The following C1orf21 variants were observed in gnomAD, a reference collection of about 807,000 sequenced individuals.
C1orf21 encodes the protein uncharacterized protein C1orf21.
C1orf21 carries 3 observed loss-of-function variants against 18.7 expected under a neutral mutation model. The ratio of observed to expected loss-of-function variants is 0.16; its 90% CI spans 0.07 to 0.42. The LOEUF (loss-of-function observed/expected upper bound fraction) is 0.42. Among genes scored for constraint, C1orf21 ranks in the 10% least tolerant of loss-of-function variants. The probability of loss-of-function intolerance (pLI) is 0.99; values close to 1 mark genes in which losing one functional copy is unlikely to be tolerated. For missense variants in C1orf21, 104 were observed against 143.6 expected, an observed-to-expected ratio of 0.72 and a Z score of 1.41; for synonymous variants, 41 against 46.4, an observed-to-expected ratio of 0.88 and a Z score of 0.47.
At chr1:184,494,179 A>G (rs183490620) in intron 2 of C1orf21, among the ~76,000 whole-genome samples, 389 of 152,334 alleles carry the variant, frequency 2.6e-3, no homozygotes, top group Non-Finnish European at 4.8e-3. Context: ...TGAGCAAACC[A>G]TGAGAATACC....
chr1:184,585,036 T>C (rs868612779), intron 3 of C1orf21, among the ~76,000 whole-genome samples: 16 of 152,212 alleles, frequency 1.1e-4, no homozygotes, highest in African/African-American at 3.6e-4. Flanking sequence ...TTTAATCATA[T>C]AGTTGTAGTG....
rs193250659 is a variant in C1orf21 at position 184,498,889 on chromosome 1, T to C, written c.95-8699T>C. 1.0e-3 allele frequency among the ~76,000 whole-genome samples: 158 copies of C among 152,306 alleles called. 1 individual carries two copies. Among genetic ancestry groups the C allele is most frequent in the Admixed American group, 2.2e-3 (34 of 15,288 alleles). ...ATGGGCTCTGAATCAGACCACTGGG[T>C]TCAAGGCCTGGCCCAGTCCCACCAC... On this transcript the variant is annotated intron_variant, in intron 2 of 5. Coordinates refer to ENST00000235307, the MANE Select transcript of C1orf21 (RefSeq NM_030806.4).
At chr1:184,581,335 C>G (rs757293231) in intron 3 of C1orf21, among the ~76,000 whole-genome samples, 1 of 151,408 alleles carries the variant, frequency 6.6e-6, no homozygotes, top group African/African-American at 2.4e-5. Flanking sequence ...GAGGCTGAGG[C>G]GGGAGAATTG....
At chr1:184,581,334 G>A (rs1350407043) in intron 3 of C1orf21, among the ~76,000 whole-genome samples, 1 of 152,002 alleles carries the variant, frequency 6.6e-6, no homozygotes, top group Non-Finnish European at 1.5e-5. Flanking sequence ...GGAGGCTGAG[G>A]CGGGAGAATT....
intron 3 of C1orf21, among the ~76,000 whole-genome samples, chr1:184,552,155 G>GA (rs993025115): frequency 2.0e-5 from 3 of 151,822 alleles, no homozygotes; most frequent in South Asian, 4.2e-4. Flanking sequence ...AATATTACAG[G>GA]AAAAAAAATT....
At chr1:184,600,545 T>TC (rs1274787057) in intron 5 of C1orf21, among the ~76,000 whole-genome samples, 2 of 152,210 alleles carry the variant, frequency 1.3e-5, no homozygotes, top group African/African-American at 4.8e-5. Flanking sequence ...AAATCTGAGA[T>TC]CCCCTTTTGC....
chr1:184,589,438 A>G (rs1271770293), intron 3 of C1orf21, among the ~76,000 whole-genome samples: 2 of 152,254 alleles, frequency 1.3e-5, no homozygotes, highest in Admixed American at 6.5e-5. Flanking sequence ...AAGAAAGGAC[A>G]TGGGCCCTGC....
chr1:184,576,827 CTT>C (rs148317797), intron 3 of C1orf21, among the ~76,000 whole-genome samples: 14,822 of 152,230 alleles, frequency 0.097, 851 homozygotes, highest in African/African-American at 0.15. Context: ...CTCCCCATGA[CTT>C]TTGGAATAAA....
chr1:184,441,015 A>G (rs776859098), intron 1 of C1orf21, among the ~76,000 whole-genome samples: 5 of 152,342 alleles, frequency 3.3e-5, no homozygotes, highest in South Asian at 2.1e-4. Context: ...ATGTCCTAGA[A>G]GTAAACTGAA....
intron 3 of C1orf21, 67 bp from the exon 4 acceptor site, chr1:184,590,672 A>G: frequency 6.8e-7 from 1 of 1,475,136 alleles, no homozygotes; most frequent in South Asian, 1.1e-5. Context: ...TGTGATGAAA[A>G]CTCATACACT....
rs1300212650 is a variant in C1orf21 at position 184,460,617 on chromosome 1, G to GTCT, written c.-124-16767_-124-16766insTTC. 7.5e-3 allele frequency among the ~76,000 whole-genome samples: 876 copies of GTCT among 116,350 alleles called. 11 individuals are homozygous for GTCT. Among genetic ancestry groups the GTCT allele is most frequent in the African/African-American group, 0.029 (800 of 27,774 alleles). The allele number at this position is 116,350 out of a possible 152,430, so 76.3% of individuals were successfully genotyped here. A position where few individuals can be genotyped will look rare whatever the true frequency, so the allele number is the denominator to read the frequency against. On this transcript the variant is annotated intron_variant, in intron 1 of 5. Transcript: ENST00000235307. The stretch of plus-strand genomic sequence containing the variant: ...GAGTTGGGCTGTTAGTATTGTCGTC[G>GTCT]TCGTCTTCTTCTTCTTCTTCTTCTT...
intron 3 of C1orf21, among the ~76,000 whole-genome samples, chr1:184,589,060 T>C (rs1659400154): frequency 6.6e-6 from 1 of 152,206 alleles, no homozygotes; most frequent in Non-Finnish European, 1.5e-5. Flanking sequence ...ATAAATGGAA[T>C]ATAAACAACA....
chr1:184,448,409 C>G (rs1341781259), intron 1 of C1orf21, among the ~76,000 whole-genome samples: 1 of 152,164 alleles, frequency 6.6e-6, no homozygotes, highest in Non-Finnish European at 1.5e-5. Flanking sequence ...AAGGAAGACC[C>G]TTCTCTCTGA....
intron 3 of C1orf21, among the ~76,000 whole-genome samples, chr1:184,565,371 T>G (rs1448894246): frequency 6.6e-6 from 1 of 152,216 alleles, no homozygotes; most frequent in Non-Finnish European, 1.5e-5. Flanking sequence ...GTCTACAGAT[T>G]AAGAAACTAA....
In C1orf21 at chr1:184,626,825, A is replaced by G. The variant is rs1357169856; in HGVS notation, c.*7269A>G. ...ACAAAGGGGACAGCTCTGGGTCAGCATGACCTTCTTTAGAGCCACTAAGGC... is the reference window on the plus strand; with the variant it reads ...ACAAAGGGGACAGCTCTGGGTCAGCGTGACCTTCTTTAGAGCCACTAAGGC... On this transcript the variant is annotated 3_prime_UTR_variant, in exon 6 of 6. Coordinates refer to ENST00000235307, the MANE Select transcript of C1orf21 (RefSeq NM_030806.4). 6.6e-6 allele frequency: 1 copy of G among 152,538 alleles called. No homozygotes were observed. The highest frequency in any genetic ancestry group is 2.4e-5 in the African/African-American group (1 of 41,446). The allele number at this position is 152,538 out of a possible 1,614,324, so 9.4% of individuals were successfully genotyped here. A position where few individuals can be genotyped will look rare whatever the true frequency, so the allele number is the denominator to read the frequency against.
In C1orf21 at chr1:184,548,178, C is replaced by G. The variant is rs1658753396; in HGVS notation, c.189+40496C>G. On this transcript the variant is annotated intron_variant, in intron 3 of 5. Coordinates refer to ENST00000235307, the MANE Select transcript of C1orf21 (RefSeq NM_030806.4). ...TGGTTAGGCAGGTAAATGAAGGTGC[C>G]TCTAGGAAGTATAGTAATCCATATC... Among the ~76,000 whole-genome samples the G allele has an allele frequency of 5.3e-5, 8 of 151,544 alleles. No individual in the cohort carries two copies. The South Asian group carries it at 1.7e-3, about 32-fold the overall frequency.
intron 2 of C1orf21, among the ~76,000 whole-genome samples, chr1:184,504,959 A>G (rs750161919): frequency 3.3e-5 from 5 of 152,208 alleles, no homozygotes; most frequent in Non-Finnish European, 7.3e-5. Context: ...TGCTGCTTTG[A>G]AAGTCATGTA....
chr1:184,611,963 T>A (rs1487301178), intron 5 of C1orf21, among the ~76,000 whole-genome samples: 3 of 152,120 alleles, frequency 2.0e-5, no homozygotes, highest in African/African-American at 7.2e-5. Context: ...ACTGTGTCAT[T>A]TATCATGTAA....
chr1:184,469,430 T>C (rs751363601), intron 1 of C1orf21, among the ~76,000 whole-genome samples: 3 of 152,106 alleles, frequency 2.0e-5, no homozygotes, highest in Non-Finnish European at 4.4e-5. Context: ...GGATTGAAAA[T>C]GTGGAATATA....
Sources: gnomAD v4.1 joint callset for allele counts (sites outside exome capture counted in the v4.1 genomes callset) on GRCh38, gnomAD v4.1.1 for gene constraint, MANE v1.5 for transcripts, NCBI Gene and HGNC (gene_info 2026-07-23, HGNC 2026-07-21) for gene names.